The following MYO7A variants were observed in gnomAD, a reference collection of about 807,000 sequenced individuals.
MYO7A encodes the protein myosin VIIA.
In MYO7A, 210 loss-of-function variants were observed where a neutral mutation model predicts 263.8. The observed-to-expected ratio is 0.80, with a 90% CI of 0.71 to 0.89. The LOEUF is 0.89. MYO7A is among the 40% of genes least tolerant of loss of function. The pLI is 0.00. For synonymous variants in MYO7A, 1,239 were observed against 1,197.3 expected, an observed-to-expected ratio of 1.03 and a Z score of -0.72; for missense variants, 2,820 against 2,968.3, an observed-to-expected ratio of 0.95 and a Z score of 1.16.
chr11:77,147,867 G>A lies in MYO7A; in HGVS notation c.202G>A (p.Glu68Lys), dbSNP rs1951689509. 2 of 1,606,036 alleles carry A rather than the reference G, an allele frequency of 1.2e-6. No individual in the cohort carries two copies. The highest frequency in any genetic ancestry group is 1.3e-5 in the African/African-American group (1 of 74,770). Residue 68 changes from glutamate to lysine, a missense_variant, in exon 4 of 49, where the codon GAG (glutamate) becomes AAG (lysine). Physicochemically the swap from Glu to Lys is moderately conservative, Grantham distance 56 (BLOSUM62 1). Coordinates refer to ENST00000409709, the MANE Select transcript of MYO7A (RefSeq NM_000260.4). ...PMHPTSVHGVEDMIRLGDLNE... is the reference protein window; with the variant it reads ...PMHPTSVHGVKDMIRLGDLNE... ...GCACCCCACGTCGGTCCACGGCGTGGAGGACATGATCCGCCTGGGGGACCT... is the reference window on the plus strand; with the variant it reads ...GCACCCCACGTCGGTCCACGGCGTGAAGGACATGATCCGCCTGGGGGACCT...
At chr11:77,147,400 TTTTC>T (rs35139168) in intron 3 of MYO7A, among the ~76,000 whole-genome samples, 60 of 150,840 alleles carry the variant, frequency 4.0e-4, no homozygotes, top group Non-Finnish European at 2.5e-4. Flanking sequence ...TTTTTAATGT[TTTTC>T]TTTCTTTCTT....
chr11:77,164,055 G>T (rs1953294840), intron 14 of MYO7A, among the ~76,000 whole-genome samples: 1 of 152,144 alleles, frequency 6.6e-6, no homozygotes, highest in Non-Finnish European at 1.5e-5. Context: ...AACCAGCCCA[G>T]TTACCCCCTA....
Position 77,166,110 on chromosome 11 carries a change from A to G in MYO7A, c.1745A>G (p.His582Arg). 6.2e-7 allele frequency: 1 copy of G among 1,613,380 alleles called. No homozygotes were observed. The highest frequency in any genetic ancestry group is 8.5e-7 in the Non-Finnish European group (1 of 1,179,774). Residue 582 changes from histidine to arginine, a missense_variant, in exon 15 of 49, where the codon CAC becomes CGC. His to Arg is a conservative substitution (Grantham distance 29, BLOSUM62 0). Coordinates refer to ENST00000409709, the MANE Select transcript of MYO7A (RefSeq NM_000260.4). ...CATGGGGACATTATCCAGCTGGTCC[A>G]CTCCTCCAGGAACAAGTTCATCAAG... ...TLHGDIIQLVHSSRNKFIKQI... is the reference protein window; with the variant it reads ...TLHGDIIQLVRSSRNKFIKQI...
rs1958046511 is a variant in MYO7A at position 77,214,641 on chromosome 11, T to C, written c.6593T>C (p.Ile2198Thr). The part of the protein sequence containing the change: ...YKMDDLLTSY[I>T]SQMLTAMSKQ... ...ATGGATGACCTCCTGACTTCCTACA[T>C]TAGCCAGATGCTCACAGCCATGAGC... The change falls in exon 49 of 49, where the codon ATT becomes ACT. Residue 2198 changes from isoleucine (I) to threonine (T), a missense_variant. By Grantham distance (89) the Ile-to-Thr change is moderately conservative (BLOSUM62 -1). Transcript: ENST00000409709. 2 of 1,589,704 alleles carry C rather than the reference T, an allele frequency of 1.3e-6. No individual in the cohort carries two copies. The highest frequency in any genetic ancestry group is 2.3e-5 in the East Asian group (1 of 43,796).
intron 32 of MYO7A, among the ~76,000 whole-genome samples, chr11:77,196,718 A>G (rs1956692222): frequency 9.7e-6 from 1 of 103,282 alleles, no homozygotes; most frequent in South Asian, 2.4e-4. Context: ...TCAGGATGGC[A>G]CCCCTCATGG....
intron 36 of MYO7A, among the ~76,000 whole-genome samples, chr11:77,202,022 G>A (rs1395799158): frequency 6.6e-6 from 1 of 152,138 alleles, no homozygotes; most frequent in Non-Finnish European, 1.5e-5. Context: ...CTCAGTGGAC[G>A]AGGCAGCTCT....
At position 77,156,991 on chromosome 11, in the gene MYO7A, G is replaced by C; in HGVS notation, c.722G>C (p.Arg241Pro). Residue 241 changes from arginine to proline, a missense_variant, in exon 7 of 49, where the codon CGT becomes CCT. Transcript: ENST00000409709. Reference protein sequence around the residue: ...KIEQYLLEKSRVCRQALDERN... With the variant: ...KIEQYLLEKSPVCRQALDERN... ...GAGCAGTACCTGCTGGAAAAGTCAC[G>C]TGTCTGTCGCCAGGTGGGCCTGAGC... 8 of 1,613,324 alleles carry C rather than the reference G, an allele frequency of 5.0e-6. No homozygotes were observed. The highest frequency in any genetic ancestry group is 6.8e-6 in the Non-Finnish European group (8 of 1,179,662).
At chr11:77,150,904 G>A (rs781851985) in intron 4 of MYO7A, among the ~76,000 whole-genome samples, 4 of 152,180 alleles carry the variant, frequency 2.6e-5, no homozygotes, top group Non-Finnish European at 5.9e-5. Context: ...CGTCCCACCC[G>A]GAAACCAAAC....
intron 46 of MYO7A, chr11:77,212,567 T>C (rs574778229): frequency 5.8e-5 from 20 of 344,502 alleles, no homozygotes; most frequent in South Asian, 4.7e-4. Flanking sequence ...GGCAGGAGTA[T>C]GGTGAGGAGG....
rs782743967 is a variant in MYO7A, at chr11:77,174,844, G to A, written c.2024G>A (p.Arg675His). 1.5e-5 allele frequency: 25 copies of A among 1,613,524 alleles called. No homozygotes were observed. Among genetic ancestry groups the A allele is most frequent in the Admixed American group, 3.3e-5 (2 of 59,992 alleles). ...ATCCGCCGAGCTGGCTACCCCATCC[G>A]CTACAGCTTCGTAGAGTTTGTGGAG... Reference protein sequence around the residue: ...IRIRRAGYPIRYSFVEFVERY... With the variant: ...IRIRRAGYPIHYSFVEFVERY... Residue 675 changes from arginine to histidine, a missense_variant, in exon 17 of 49, where the codon CGC becomes CAC. Coordinates refer to ENST00000409709, the MANE Select transcript of MYO7A (RefSeq NM_000260.4).
rs1951673331 is a variant in MYO7A, at chr11:77,147,725, C to T, written c.133-73C>T. ...TTGGCACTCACCCCGCGCTCCCGCC[C>T]GTCCCGGCCCCTTCCCCTGAAGTGC... On this transcript the variant is annotated intron_variant, in intron 3 of 48. Coordinates refer to ENST00000409709, the MANE Select transcript of MYO7A (RefSeq NM_000260.4). The T allele has an allele frequency of 3.8e-6, 6 of 1,569,950 alleles. No homozygotes were observed. In the South Asian group the frequency reaches 5.9e-5, roughly 15 times the overall value.
intron 48 of MYO7A, 115 bp from the exon 49 acceptor site, chr11:77,214,492 G>A: frequency 1.3e-6 from 1 of 763,430 alleles, no homozygotes; most frequent in East Asian, 2.7e-5. Flanking sequence ...GAGTAGGAGG[G>A]ATTTGCCTTT....
intron 35 of MYO7A, 94 bp downstream of exon 35, chr11:77,199,912 G>A (rs1469867752): frequency 4.3e-5 from 52 of 1,215,206 alleles, no homozygotes; most frequent in Non-Finnish European, 5.2e-5. Context: ...TGGAACACTG[G>A]AGGCTGGGAG....
intron 44 of MYO7A, 28 bp from the exon 45 acceptor site, chr11:77,211,124 C>G (rs371825664): frequency 6.6e-7 from 1 of 1,525,758 alleles, no homozygotes; most frequent in Non-Finnish European, 8.9e-7. Context: ...GGTCCCTGCA[C>G]GCCTGTGACC....
At chr11:77,196,838 A>G (rs567224297) in intron 32 of MYO7A, among the ~76,000 whole-genome samples, 3 of 152,188 alleles carry the variant, frequency 2.0e-5, no homozygotes, top group African/African-American at 2.4e-5. Flanking sequence ...GACCCCTCCA[A>G]TGCTACCCCA....
intron 48 of MYO7A, among the ~76,000 whole-genome samples, chr11:77,214,289 C>A (rs1958031522): frequency 6.6e-6 from 1 of 152,186 alleles, no homozygotes; most frequent in Admixed American, 6.5e-5. Context: ...AACAATGAGA[C>A]CTCCTTGACC....
At position 77,132,925 on chromosome 11, in the gene MYO7A, G is replaced by T. The variant is rs962626802; in HGVS notation, c.18+2273G>T. Among the ~76,000 whole-genome samples the T allele has an allele frequency of 4.6e-5, 7 of 152,342 alleles. 1 individual carries two copies. In the East Asian group the frequency reaches 1.3e-3, roughly 29 times the overall value. On this transcript the variant is annotated intron_variant, in intron 2 of 48. Coordinates refer to ENST00000409709, the MANE Select transcript of MYO7A (RefSeq NM_000260.4). ...CCCGGCCTGTGGAACTGCAGAGCGGGTCGGCTCCCGGGGCTCGGGTTCTTT... is the reference window on the plus strand; with the variant it reads ...CCCGGCCTGTGGAACTGCAGAGCGGTTCGGCTCCCGGGGCTCGGGTTCTTT...
At chr11:77,201,948 G>T (rs1419348813) in intron 36 of MYO7A, among the ~76,000 whole-genome samples, 1 of 152,060 alleles carries the variant, frequency 6.6e-6, no homozygotes, top group Non-Finnish European at 1.5e-5. Flanking sequence ...GCTTCTTCTG[G>T]AGCCCCCTTG....
chr11:77,130,764 C>G, intron 2 of MYO7A, 112 bp downstream of exon 2: 1 of 1,267,988 alleles, frequency 7.9e-7, no homozygotes, highest in Non-Finnish European at 1.1e-6. Flanking sequence ...AAATTCCTGC[C>G]TAGGCTTCCA....
Sources: allele counts gnomAD v4.1 joint callset (sites outside exome capture counted in the v4.1 genomes callset), GRCh38; gene constraint gnomAD v4.1.1; transcripts MANE v1.5; gene names NCBI Gene and HGNC (gene_info 2026-07-23, HGNC 2026-07-21).